Variants in KLF8 observed in about 807,000 individuals in gnomAD.
The protein encoded by KLF8 is KLF transcription factor 8.
In KLF8, 10 loss-of-function variants were observed where a neutral mutation model predicts 18.2. The ratio of observed to expected loss-of-function variants is 0.55; its 90% CI spans 0.34 to 0.93. The LOEUF (loss-of-function observed/expected upper bound fraction) is 0.93. Ranked by LOEUF, KLF8 falls within the 40% of genes least tolerant of loss-of-function variation. The pLI, the probability that KLF8 is intolerant of heterozygous loss-of-function variation, is 0.02. For missense variants in KLF8, 264 were observed against 277.9 expected (o/e 0.95, Z 0.36); for synonymous variants, 109 against 97.3 (o/e 1.12, Z -0.71).
Position 56,243,336 on chromosome X carries a change from T to C in KLF8, c.8-6895T>C. The C allele has an allele frequency of 1.2e-5, 4 of 328,065 alleles. No individual in the cohort carries two copies. In the South Asian group the frequency reaches 1.4e-4, roughly 12 times the overall value. 27.0% of individuals were successfully genotyped at this position (328,065 alleles called of 1,213,427 possible). ...GTGGACACCTTTCAACACTGTCTTC[T>C]TGGCCTTCAAAGCCTTTGCTTTGGC... On this transcript the variant is annotated intron_variant, in intron 1 of 5. Coordinates refer to ENST00000468660, the MANE Select transcript of KLF8 (RefSeq NM_007250.5).
the KLF8 span, among the ~76,000 whole-genome samples, chrX:56,083,682 C>G: frequency 4.0e-4 from 45 of 111,867 alleles, no homozygotes; most frequent in Non-Finnish European, 7.0e-4. Flanking sequence ...AGAAACCAGG[C>G]CATACAGCTG....
At chrX:56,058,299 T>TATATAC in the KLF8 span, among the ~76,000 whole-genome samples, 2 of 66,727 alleles carry the variant, frequency 3.0e-5, no homozygotes, top group East Asian at 9.2e-4. Context: ...TATATATATA[T>TATATAC]ATATATATAT....
the KLF8 span, among the ~76,000 whole-genome samples, chrX:56,107,588 TGGATG>T: frequency 9.0e-6 from 1 of 111,722 alleles, no homozygotes; most frequent in Non-Finnish European, 1.9e-5. Context: ...GCACAGTATT[TGGATG>T]GGAGTTTCCC....
the KLF8 span, among the ~76,000 whole-genome samples, chrX:56,139,362 G>A: frequency 9.0e-6 from 1 of 111,613 alleles, no homozygotes; most frequent in Non-Finnish European, 1.9e-5. Context: ...CTAAGCAAAA[G>A]AACACAGCTA....
the KLF8 span, among the ~76,000 whole-genome samples, chrX:56,199,362 A>G: frequency 8.9e-6 from 1 of 112,074 alleles, no homozygotes; most frequent in Non-Finnish European, 1.9e-5. Flanking sequence ...TAATATCCAG[A>G]ATCTACAAAG....
At chrX:55,988,893 A>AG in the KLF8 span, among the ~76,000 whole-genome samples, 1 of 111,291 alleles carries the variant, frequency 9.0e-6, no homozygotes, top group African/African-American at 3.3e-5. Context: ...AGTGGTTTGT[A>AG]GTTCTCCTTG....
chrX:56,274,256 G>A (rs1450908870), intron 5 of KLF8, among the ~76,000 whole-genome samples: 4 of 111,768 alleles, frequency 3.6e-5, no homozygotes, highest in Non-Finnish European at 7.5e-5. Flanking sequence ...TTTGATTTAC[G>A]TTTCTCCGAT....
the KLF8 span, among the ~76,000 whole-genome samples, chrX:55,978,104 C>T: frequency 9.0e-6 from 1 of 110,899 alleles, no homozygotes; most frequent in African/African-American, 3.3e-5. Context: ...GATAGACACA[C>T]AGACATGTTT....
chrX:56,163,873 T>A, the KLF8 span, among the ~76,000 whole-genome samples: 3 of 112,092 alleles, frequency 2.7e-5, no homozygotes, highest in Non-Finnish European at 5.6e-5. Flanking sequence ...ACCCATTGCC[T>A]GTTTTGTCAT....
the KLF8 span, among the ~76,000 whole-genome samples, chrX:55,926,616 C>T: frequency 7.2e-5 from 8 of 110,619 alleles, no homozygotes; most frequent in Admixed American, 9.7e-5. Flanking sequence ...GGATCAGGCC[C>T]TAGGGTATTT....
the KLF8 span, among the ~76,000 whole-genome samples, chrX:56,101,837 A>G: frequency 9.0e-6 from 1 of 111,451 alleles, no homozygotes; most frequent in African/African-American, 3.3e-5. Flanking sequence ...TTCCTTATGC[A>G]TTTGGATATT....
the KLF8 span, among the ~76,000 whole-genome samples, chrX:55,947,010 A>G: frequency 1.0e-3 from 117 of 111,659 alleles, no homozygotes; most frequent in Admixed American, 2.8e-4. Context: ...AGGATGTGGA[A>G]AAATAGGAAG....
the KLF8 span, among the ~76,000 whole-genome samples, chrX:56,157,380 A>G: frequency 9.1e-6 from 1 of 110,344 alleles, no homozygotes; most frequent in Admixed American, 9.7e-5. Context: ...AACTTAAAGT[A>G]CAATAAAAAT....
chrX:56,283,672 T>A (rs745433069), intron 5 of KLF8, among the ~76,000 whole-genome samples: 7 of 112,340 alleles, frequency 6.2e-5, no homozygotes, highest in Non-Finnish European at 1.3e-4. Context: ...CACCGGACCA[T>A]ATGGCTCTAT....
the KLF8 span, among the ~76,000 whole-genome samples, chrX:56,015,972 T>A: frequency 2.7e-4 from 30 of 112,510 alleles, no homozygotes; most frequent in African/African-American, 9.7e-4. Context: ...TATGTGTGTA[T>A]GTGTGTACAT....
At chrX:55,914,369 C>T in the KLF8 span, among the ~76,000 whole-genome samples, 4 of 111,701 alleles carry the variant, frequency 3.6e-5, no homozygotes, top group Non-Finnish European at 7.5e-5. Context: ...TGCCCTGGAG[C>T]TCAGCTGGGA....
the KLF8 span, among the ~76,000 whole-genome samples, chrX:56,014,633 A>G: frequency 1.9e-3 from 208 of 111,213 alleles, 2 homozygotes; most frequent in Non-Finnish European, 3.0e-3. Context: ...CTGTGTATAT[A>G]CCCATAGGAA....
At chrX:56,270,378 A>ACACACC in intron 5 of KLF8, 57 bp downstream of exon 5, 2 of 958,687 alleles carry the variant, frequency 2.1e-6, no homozygotes, top group Non-Finnish European at 2.6e-6. Flanking sequence ...ACACACACAC[A>ACACACC]CACGAGAGAG....
chrX:56,096,545 A>T, the KLF8 span, among the ~76,000 whole-genome samples: 2 of 111,910 alleles, frequency 1.8e-5, no homozygotes, highest in East Asian at 5.6e-4. Flanking sequence ...AAAAGCAGGG[A>T]TTAGTGGGAA....
Sources: allele counts gnomAD v4.1 joint callset (sites outside exome capture counted in the v4.1 genomes callset), GRCh38; gene constraint gnomAD v4.1.1; transcripts MANE v1.5; gene names NCBI Gene and HGNC (gene_info 2026-07-23, HGNC 2026-07-21).